Variants in TLE2 observed in about 807,000 individuals in gnomAD.
TLE2 encodes TLE family member 2, transcriptional corepressor.
TLE2 carries 74 observed loss-of-function variants against 97.2 expected under a neutral mutation model. The observed-to-expected ratio is 0.76, with a 90% CI of 0.63 to 0.92. The LOEUF (loss-of-function observed/expected upper bound fraction) is 0.92. Among genes scored for constraint, TLE2 ranks in the 40% least tolerant of loss-of-function variants. TLE2 has a pLI of 0.00. For missense variants in TLE2, 1,038 were observed against 1,008.7 expected (o/e 1.03, Z -0.39); for synonymous variants, 499 against 432.1 (o/e 1.15, Z -1.92).
At chr19:3,034,606 C>T (rs2090048849) in intron 1 of TLE2, among the ~76,000 whole-genome samples, 1 of 151,342 alleles carries the variant, frequency 6.6e-6, no homozygotes, top group African/African-American at 2.4e-5. Flanking sequence ...TTTCAAGGCC[C>T]AACCCAAAAA....
At chr19:3,000,581 CTG>C in intron 19 of TLE2, 64 bp downstream of exon 19, 1 of 1,449,550 alleles carries the variant, frequency 6.9e-7, no homozygotes, top group Non-Finnish European at 9.4e-7. Context: ...GGCAATCTCT[CTG>C]TCTGACCCTG....
intron 17 of TLE2, 60 bp from the exon 18 acceptor site, chr19:3,002,563 G>A (rs1191909525): frequency 6.6e-7 from 1 of 1,523,998 alleles, no homozygotes; most frequent in Middle Eastern, 1.8e-4. Context: ...TGTTGAGACA[G>A]GGTCTCACTC....
chr19:3,000,915 A>G (rs1013690112), intron 18 of TLE2, among the ~76,000 whole-genome samples, 192 bp from the exon 19 acceptor site: 19 of 143,596 alleles, frequency 1.3e-4, no homozygotes, highest in African/African-American at 3.9e-4. Flanking sequence ...AGCCTCCACC[A>G]CCTGGACTCA....
upstream of TLE2, among the ~76,000 whole-genome samples, chr19:3,033,176 A>ATT (rs71337195): frequency 8.5e-3 from 1,188 of 139,842 alleles, 15 homozygotes; most frequent in African/African-American, 0.03. Context: ...AGCCTGGCTA[A>ATT]TTTTTTTTTT....
chr19:3,029,477 A>T, upstream of TLE2: 6 of 978,746 alleles, frequency 6.1e-6, no homozygotes, highest in Non-Finnish European at 6.0e-6. Flanking sequence ...GTGCCTTAAA[A>T]CAGGGTCCCC....
intron 19 of TLE2, among the ~76,000 whole-genome samples, chr19:2,998,237 A>ATGTG (rs56398458): frequency 0.059 from 7,206 of 121,308 alleles, 292 homozygotes; most frequent in Non-Finnish European, 0.076. Context: ...CGCCCGGCCA[A>ATGTG]TGTGTGTGTG....
At position 2,997,801 on chromosome 19, in the gene TLE2, A is replaced by C. The variant is rs1327819155; in HGVS notation, c.*47T>G. ...GCTAGGATGTCTGTCCTGGCTGCTG[A>C]TTCCCCTGGGAGTCTGGACTTCGGG... On this transcript the variant is annotated 3_prime_UTR_variant, in exon 20 of 20. Transcript: ENST00000262953. 6 of 1,410,162 alleles carry C rather than the reference A, an allele frequency of 4.3e-6. 1 individual carries two copies. The highest frequency in any genetic ancestry group is 2.0e-6 in the Non-Finnish European group (2 of 1,013,320). The allele number at this position is 1,410,162 out of a possible 1,614,324, so 87.4% of individuals were successfully genotyped here.
At chr19:3,024,639 A>G (rs1478410976) in intron 5 of TLE2, among the ~76,000 whole-genome samples, 1 of 152,092 alleles carries the variant, frequency 6.6e-6, no homozygotes, top group Non-Finnish European at 1.5e-5. Flanking sequence ...CCCTGGGTGT[A>G]TGAGCTCATC....
intron 5 of TLE2, among the ~76,000 whole-genome samples, chr19:3,023,282 C>T (rs1031755108): frequency 2.0e-5 from 3 of 152,170 alleles, no homozygotes; most frequent in Admixed American, 6.5e-5. Flanking sequence ...ATGACCCGCA[C>T]GCCTTGGCCT....
In TLE2 at chr19:3,019,347, G is replaced by A; in HGVS notation, c.486C>T (p.Ala162=). The A allele has an allele frequency of 6.4e-7, 1 of 1,566,628 alleles. No individual in the cohort carries two copies. Among genetic ancestry groups the A allele is most frequent in the Non-Finnish European group, 8.6e-7 (1 of 1,164,132 alleles). Reference sequence around the variant, plus strand: ...TGACAGCCGCCGCCAGCTGAGCCTGGGCAGCCAGGGCTCCAGACAGAGCAA... The same window carrying A: ...TGACAGCCGCCGCCAGCTGAGCCTGAGCAGCCAGGGCTCCAGACAGAGCAA... The part of the protein sequence containing the change: ...GLLALSGALA[A]QAQLAAAVKE... Residue 162 remains alanine, a synonymous_variant, in exon 7 of 20, where the codon GCC becomes GCT. Coordinates refer to ENST00000262953, the MANE Select transcript of TLE2 (RefSeq NM_003260.5). The surrounding 1 kb of genome is among the most constrained non-coding windows in gnomAD (Gnocchi z 5.1).
intron 19 of TLE2, among the ~76,000 whole-genome samples, chr19:2,998,586 G>T (rs186116006): frequency 1.3e-5 from 2 of 152,070 alleles, no homozygotes; most frequent in East Asian, 3.9e-4. Flanking sequence ...CCTAATTTTT[G>T]TATTTTTAGT....
chr19:3,024,961 C>A (rs1310692046), intron 5 of TLE2, 59 bp downstream of exon 5: 1 of 1,464,216 alleles, frequency 6.8e-7, no homozygotes, highest in Admixed American at 2.0e-5. Context: ...CCAGACCTAC[C>A]CCCTCCCGTC....
chr19:2,998,047 G>C (rs1391591911), intron 19 of TLE2, 92 bp from the exon 20 acceptor site: 6 of 864,134 alleles, frequency 6.9e-6, no homozygotes. Flanking sequence ...TCAGGAACGG[G>C]AGGTCAGGAC....
chr19:3,008,680 A>G (rs1249856332), intron 14 of TLE2, among the ~76,000 whole-genome samples, 189 bp downstream of exon 14: 1 of 152,040 alleles, frequency 6.6e-6, no homozygotes, highest in East Asian at 1.9e-4. Flanking sequence ...TAAATTCCTG[A>G]CCTAAAGTGA....
chr19:3,014,557 C>T lies in TLE2; in HGVS notation c.723+13G>A, dbSNP rs549814896. 2 of 1,582,600 alleles carry T rather than the reference C, an allele frequency of 1.3e-6. No individual in the cohort carries two copies. The highest frequency in any genetic ancestry group is 2.3e-5 in the South Asian group (2 of 86,040). ...GCCCAGAGTCGGGGAAGAGGCTGGA[C>T]CCCTGGACTCACCTCGTCCACCACC... On this transcript the variant is annotated intron_variant, in intron 10 of 19. Transcript: ENST00000262953.
upstream of TLE2, among the ~76,000 whole-genome samples, chr19:3,032,159 T>G (rs571582198): frequency 2.0e-5 from 3 of 152,300 alleles, no homozygotes; most frequent in South Asian, 6.2e-4. The surrounding 1 kb of genome is among the most constrained non-coding windows in gnomAD (Gnocchi z 4.1). Context: ...CTTGAATTCC[T>G]GACCTCAGGT....
upstream of TLE2, among the ~76,000 whole-genome samples, chr19:3,032,474 A>G (rs1382132856): frequency 6.6e-6 from 1 of 151,878 alleles, no homozygotes; most frequent in Non-Finnish European, 1.5e-5. The surrounding 1 kb of genome is among the most constrained non-coding windows in gnomAD (Gnocchi z 4.1). Context: ...CTGACCTCAG[A>G]TGATCCACCC....
intron 1 of TLE2, among the ~76,000 whole-genome samples, chr19:3,044,264 T>G (rs1187677157): frequency 6.6e-6 from 1 of 151,410 alleles, no homozygotes; most frequent in East Asian, 1.9e-4. Context: ...CCTGCCCCCC[T>G]GGTGTCCCAT....
At chr19:3,016,589 CAA>C (rs10603560) in intron 8 of TLE2, among the ~76,000 whole-genome samples, 14,010 of 106,828 alleles carry the variant, frequency 0.13, 1,351 homozygotes, top group African/African-American at 0.3. Context: ...GACTCAGTCT[CAA>C]AAAAAAAAAA....
Sources: gnomAD v4.1 joint callset for allele counts (sites outside exome capture counted in the v4.1 genomes callset) on GRCh38, gnomAD v4.1.1 for gene constraint, Gnocchi (gnomAD v3.1) non-coding constraint, MANE v1.5 for transcripts, NCBI Gene and HGNC (gene_info 2026-07-23, HGNC 2026-07-21) for gene names.